TGFBR1: variants seen among roughly 807,000 people sequenced by gnomAD.
TGFBR1 encodes TGF-beta receptor type-1.
TGFBR1 carries 20 observed loss-of-function variants against 55.1 expected under a neutral mutation model. That is an observed-to-expected ratio of 0.36 (90% CI 0.26 to 0.53). The LOEUF is 0.53. TGFBR1 is among the 20% of genes least tolerant of loss of function. TGFBR1 has a pLI of 0.91. For missense variants in TGFBR1, 385 were observed against 617.6 expected (o/e 0.62, Z 3.99); for synonymous variants, 220 against 214.8 (o/e 1.02, Z -0.21).
intron 2 of TGFBR1, 34 bp downstream of exon 2, chr9:99,129,134 C>A (rs2118577897): frequency 6.2e-7 from 1 of 1,605,206 alleles, no homozygotes; most frequent in Non-Finnish European, 8.5e-7. Context: ...CTAGATACTA[C>A]AAGAAAAACT....
chr9:99,138,880 T>C (rs12345675), intron 4 of TGFBR1, among the ~76,000 whole-genome samples: 31,532 of 151,916 alleles, frequency 0.21, 3,495 homozygotes, highest in Non-Finnish European at 0.25. Context: ...TCACTGCAGC[T>C]TCTGCCTCCT....
At position 99,105,294 on chromosome 9, in the gene TGFBR1, G is replaced by T. The variant is rs1381354900; in HGVS notation, c.89G>T (p.Gly30Val). 2.1e-5 allele frequency: 21 copies of T among 991,670 alleles called. No homozygotes were observed. Among genetic ancestry groups the T allele is most frequent in the Non-Finnish European group, 2.4e-5 (20 of 835,970 alleles). The allele number at this position is 991,670 out of a possible 1,614,324, so 61.4% of individuals were successfully genotyped here. A position where few individuals can be genotyped will look rare whatever the true frequency, so the allele number is the denominator to read the frequency against. Residue 30 changes from glycine (G) to valine (V), a missense_variant, in exon 1 of 9, where the codon GGG becomes GTG. Gly to Val is a moderately radical substitution (Grantham distance 109). Around this residue, in one of 5 missense-constraint regions of TGFBR1, gnomAD observed 37 missense variants for 40.2 expected, o/e 0.92. Transcript: ENST00000374994. Reference sequence around the variant, plus strand: ...GCGGCGGCGGCGGCGCTGCTCCCGGGGGCGACGGGTGAGCGGCGGCGCGGC... The same window carrying T: ...GCGGCGGCGGCGGCGCTGCTCCCGGTGGCGACGGGTGAGCGGCGGCGCGGC... ...AAAAAAALLPGATALQCFCHL... is the reference protein window; with the variant it reads ...AAAAAAALLPVATALQCFCHL...
intron 3 of TGFBR1, among the ~76,000 whole-genome samples, chr9:99,137,447 A>G (rs1466052827): frequency 1.3e-5 from 2 of 152,120 alleles, no homozygotes; most frequent in Non-Finnish European, 2.9e-5. Context: ...AGTACTCTTC[A>G]TCTTCTGGTG....
intron 1 of TGFBR1, chr9:99,127,751 C>CT (rs2118545326): frequency 2.8e-6 from 1 of 362,688 alleles, no homozygotes; most frequent in Admixed American, 3.6e-5. Flanking sequence ...ACCTAGACTC[C>CT]TTTTTATTCC....
chr9:99,147,757 T>TA lies in TGFBR1; in HGVS notation c.1360dup (p.Ile454AsnfsTer9). ...TTTGTGAACAGAAGTTAAGGCCAAA[T>TA]ATCCCAAACAGATGGCAGAGCTGTG... On this transcript the variant is annotated frameshift_variant, in exon 8 of 9. Transcript: ENST00000374994. LOFTEE classifies it high-confidence loss of function. The TA allele has an allele frequency of 6.2e-7, 1 of 1,613,892 alleles. No individual in the cohort carries two copies. The highest frequency in any genetic ancestry group is 8.5e-7 in the Non-Finnish European group (1 of 1,179,842).
intron 2 of TGFBR1, among the ~76,000 whole-genome samples, chr9:99,130,356 C>G (rs1224460704): frequency 6.6e-6 from 1 of 152,174 alleles, no homozygotes; most frequent in African/African-American, 2.4e-5. Flanking sequence ...TTGGTCCAGG[C>G]CTTGTGCTAA....
At chr9:99,136,689 G>A (rs202054351) in intron 3 of TGFBR1, among the ~76,000 whole-genome samples, 3 of 152,062 alleles carry the variant, frequency 2.0e-5, no homozygotes, top group Non-Finnish European at 2.9e-5. Context: ...GAAAGGACCC[G>A]TTTGAGAAAC....
In TGFBR1 at chr9:99,105,409, G is replaced by A. The variant is rs1198070257; in HGVS notation, c.97+107G>A. ...ACATGGCGCGGGGCCGGGGGCGCAG[G>A]TGGCGGCGCCGGGGCCCGGGCCGGG... On this transcript the variant is annotated intron_variant, in intron 1 of 8. Transcript: ENST00000374994. 2.9e-5 allele frequency: 27 copies of A among 925,776 alleles called. No homozygotes were observed. In the Admixed American group the frequency reaches 3.2e-4, roughly 11 times the overall value. The allele number at this position is 925,776 out of a possible 1,614,324, so 57.3% of individuals were successfully genotyped here. A position where few individuals can be genotyped will look rare whatever the true frequency, so the allele number is the denominator to read the frequency against.
Position 99,138,114 on chromosome 9 carries a change from T to C in TGFBR1, c.805+25T>C, listed in dbSNP as rs45605242. On this transcript the variant is annotated intron_variant, in intron 4 of 8. Transcript: ENST00000374994. ...GGTCTGTAACATTTGCTTTTCCTTA[T>C]GTTATATATAACAAGATCTCTTTAA... is the stretch of plus-strand genomic sequence containing the variant. The C allele has an allele frequency of 4.4e-6, 7 of 1,587,452 alleles. No individual in the cohort carries two copies. The African/African-American group carries it at 6.7e-5, about 15-fold the overall frequency.
At chr9:99,107,521 A>G (rs776814017) in intron 1 of TGFBR1, among the ~76,000 whole-genome samples, 7 of 150,504 alleles carry the variant, frequency 4.7e-5, no homozygotes, top group Admixed American at 1.3e-4. Flanking sequence ...CCCCAATCCA[A>G]CTCTTCTATG....
intron 4 of TGFBR1, 61 bp downstream of exon 4, chr9:99,138,150 A>T: frequency 2.1e-6 from 3 of 1,429,254 alleles, no homozygotes; most frequent in Admixed American, 3.4e-5. Context: ...GTCTTTACAG[A>T]TATGGTGACT....
At chr9:99,124,490 G>A (rs1336106467) in intron 1 of TGFBR1, among the ~76,000 whole-genome samples, 9 of 151,782 alleles carry the variant, frequency 5.9e-5, no homozygotes, top group African/African-American at 7.3e-5. Flanking sequence ...ATGTATATGC[G>A]TTTAAAAATT....
intron 4 of TGFBR1, among the ~76,000 whole-genome samples, chr9:99,141,145 C>T (rs573205940): frequency 6.6e-6 from 1 of 152,302 alleles, no homozygotes; most frequent in Admixed American, 6.5e-5. Context: ...TGCCTGTCTT[C>T]CACTTTGTTT....
chr9:99,128,684 A>G lies in TGFBR1; in HGVS notation c.98-171A>G, dbSNP rs1174157643. On this transcript the variant is annotated intron_variant, in intron 1 of 8. Transcript: ENST00000374994. Reference sequence around the variant, plus strand: ...TCCACGTGTATGTGGTTCTTAATATAATTTGAAACTTCTAAGAGCAACAAA... The same window carrying G: ...TCCACGTGTATGTGGTTCTTAATATGATTTGAAACTTCTAAGAGCAACAAA... 3 of 870,146 alleles carry G rather than the reference A, an allele frequency of 3.4e-6. No homozygotes were observed. In the Admixed American group the frequency reaches 6.1e-5, roughly 18 times the overall value. 53.9% of individuals were successfully genotyped at this position (870,146 alleles called of 1,614,324 possible).
At position 99,149,172 on chromosome 9, in the gene TGFBR1, T is replaced by C. The variant is rs768669432; in HGVS notation, c.1387-8T>C. 8 of 1,593,768 alleles carry C rather than the reference T, an allele frequency of 5.0e-6. No homozygotes were observed. The highest frequency in any genetic ancestry group is 1.7e-4 in the Middle Eastern group (1 of 6,058). On this transcript the variant is annotated splice_region_variant and splice_polypyrimidine_tract_variant and intron_variant, in intron 8 of 8. Transcript: ENST00000374994. Reference sequence around the variant, plus strand: ...TGCATTAATTTTTTTTTTTATATTTTCTTGTAGGCCTTGAGAGTAATGGCT... The same window carrying C: ...TGCATTAATTTTTTTTTTTATATTTCCTTGTAGGCCTTGAGAGTAATGGCT...
chr9:99,133,515 C>T, intron 3 of TGFBR1, among the ~76,000 whole-genome samples: 1 of 152,088 alleles, frequency 6.6e-6, no homozygotes, highest in East Asian at 1.9e-4. Context: ...GAGGAACACT[C>T]CTATCCCCTG....
At chr9:99,139,199 A>T (rs568419627) in intron 4 of TGFBR1, among the ~76,000 whole-genome samples, 41 of 137,236 alleles carry the variant, frequency 3.0e-4, no homozygotes, top group African/African-American at 1.0e-3. Context: ...TTTCCTATTT[A>T]AAAAAAAAAA....
intron 2 of TGFBR1, 100 bp from the exon 3 acceptor site, chr9:99,132,409 G>T (rs1827262594): frequency 6.4e-7 from 1 of 1,560,934 alleles, no homozygotes. Flanking sequence ...TGGTGGCAGT[G>T]GCCAGCTGCA....
chr9:99,137,001 C>T (rs1183159737), intron 3 of TGFBR1, among the ~76,000 whole-genome samples: 1 of 152,016 alleles, frequency 6.6e-6, no homozygotes, highest in Admixed American at 6.6e-5. Flanking sequence ...ACATATAGTG[C>T]CACTTAAATG....
Sources: allele counts gnomAD v4.1 joint callset (sites outside exome capture counted in the v4.1 genomes callset), GRCh38; gene constraint gnomAD v4.1.1; regional missense constraint gnomAD v4.1.1; transcripts MANE v1.5; gene names NCBI Gene and HGNC (gene_info 2026-07-23, HGNC 2026-07-21).